The following AGTPBP1 variants were observed in gnomAD, a reference collection of about 807,000 sequenced individuals.
The protein encoded by AGTPBP1 is ATP/GTP binding carboxypeptidase 1.
In AGTPBP1, 70 loss-of-function variants were observed where a neutral mutation model predicts 143.9. That is an observed-to-expected ratio of 0.49 (90% CI 0.40 to 0.59). The LOEUF is 0.59. Among genes scored for constraint, AGTPBP1 ranks in the 20% least tolerant of loss-of-function variants. The probability of loss-of-function intolerance (pLI) is 0.00; values close to 1 mark genes in which losing one functional copy is unlikely to be tolerated. For synonymous variants in AGTPBP1, 463 were observed against 500.2 expected, an observed-to-expected ratio of 0.93 and a Z score of 0.99; for missense variants, 1,229 against 1,464.5, an observed-to-expected ratio of 0.84 and a Z score of 2.62.
At chr9:85,568,799 G>C (rs988486984) in intron 25 of AGTPBP1, among the ~76,000 whole-genome samples, 1 of 152,194 alleles carries the variant, frequency 6.6e-6, no homozygotes, top group African/African-American at 2.4e-5. Flanking sequence ...GGGTAAGCGA[G>C]AGGAAAATGC....
intron 25 of AGTPBP1, among the ~76,000 whole-genome samples, chr9:85,559,933 G>A (rs573875751): frequency 6.6e-6 from 1 of 152,134 alleles, no homozygotes; most frequent in East Asian, 1.9e-4. Flanking sequence ...TCTTGAGTGT[G>A]TACTTTTGTT....
chr9:85,565,162 T>C (rs1399572657), intron 25 of AGTPBP1, among the ~76,000 whole-genome samples: 1 of 152,228 alleles, frequency 6.6e-6, no homozygotes, highest in Non-Finnish European at 1.5e-5. Context: ...CATCTGTCAA[T>C]GAGTTACTAC....
intron 4 of AGTPBP1, among the ~76,000 whole-genome samples, chr9:85,680,874 A>T (rs56291325): frequency 6.6e-6 from 1 of 152,234 alleles, no homozygotes; most frequent in African/African-American, 2.4e-5. Flanking sequence ...TCACAAATGT[A>T]TATCAGCTAA....
chr9:85,746,657 G>C (rs1824587769), upstream of AGTPBP1, among the ~76,000 whole-genome samples: 1 of 151,840 alleles, frequency 6.6e-6, no homozygotes, highest in Non-Finnish European at 1.5e-5. Context: ...GGGGGAGAGA[G>C]AGAGAGAAGC....
chr9:85,735,091 C>T (rs1839155126), intron 1 of AGTPBP1, among the ~76,000 whole-genome samples: 1 of 151,986 alleles, frequency 6.6e-6, no homozygotes, highest in South Asian at 2.1e-4. Flanking sequence ...TGTTTACATA[C>T]CTAGATTCAA....
intron 25 of AGTPBP1, among the ~76,000 whole-genome samples, chr9:85,572,109 C>A (rs994193931): frequency 1.4e-5 from 2 of 138,300 alleles, no homozygotes; most frequent in Non-Finnish European, 3.1e-5. Flanking sequence ...TCACTGCAAC[C>A]TCCGCCTCTT....
intron 1 of AGTPBP1, among the ~76,000 whole-genome samples, chr9:85,738,803 A>G (rs905847845): frequency 2.6e-5 from 4 of 152,064 alleles, no homozygotes; most frequent in Admixed American, 2.6e-4. Flanking sequence ...TTAACCCCAA[A>G]GGAGCAAATG....
At chr9:85,699,452 C>T (rs951685705) in intron 2 of AGTPBP1, among the ~76,000 whole-genome samples, 7 of 152,070 alleles carry the variant, frequency 4.6e-5, no homozygotes, top group Non-Finnish European at 1.0e-4. Context: ...ACTGTCTTTG[C>T]AACAAATAAT....
intron 25 of AGTPBP1, among the ~76,000 whole-genome samples, chr9:85,563,977 C>T (rs1826911898): frequency 1.3e-5 from 2 of 152,202 alleles, no homozygotes; most frequent in Admixed American, 1.3e-4. Context: ...CTGCTGAGCC[C>T]CAGAATTCAC....
chr9:85,561,859 G>A (rs1826753374), intron 25 of AGTPBP1, among the ~76,000 whole-genome samples: 2 of 146,672 alleles, frequency 1.4e-5, no homozygotes, highest in Non-Finnish European at 3.0e-5. Context: ...TTGAGAAGGA[G>A]TCTTACTCTG....
intron 3 of AGTPBP1, among the ~76,000 whole-genome samples, chr9:85,686,163 A>AACT (rs920096505): frequency 6.6e-6 from 1 of 152,010 alleles, no homozygotes; most frequent in African/African-American, 2.4e-5. Flanking sequence ...CAGACTGTCA[A>AACT]ACTGGATGTT....
Position 85,547,196 on chromosome 9 carries a change from C to T in AGTPBP1, c.3594G>A (p.Glu1198=), listed in dbSNP as rs560864897. 6 of 1,613,784 alleles carry T rather than the reference C, an allele frequency of 3.7e-6. No individual in the cohort carries two copies. In the African/African-American group the frequency reaches 8.0e-5, roughly 22 times the overall value. The change falls in exon 26 of 26, where the codon GAG becomes GAA. Residue 1198 remains glutamate, a synonymous_variant. Coordinates refer to ENST00000357081, the MANE Select transcript of AGTPBP1 (RefSeq NM_001330701.2). ...CATAATCTCCTACATTTTCAGCCAACTCAATATCTAACTCATCATTACTTT... is the reference window on the plus strand; with the variant it reads ...CATAATCTCCTACATTTTCAGCCAATTCAATATCTAACTCATCATTACTTT... The part of the protein sequence containing the change: ...SAESNDELDI[E]LAENVGDYEP...
intron 11 of AGTPBP1, among the ~76,000 whole-genome samples, chr9:85,648,191 T>C (rs1300356499): frequency 1.3e-5 from 2 of 152,188 alleles, no homozygotes; most frequent in Non-Finnish European, 2.9e-5. Context: ...TATCTACTCA[T>C]AGTGTTTCTG....
the AGTPBP1 span, among the ~76,000 whole-genome samples, chr9:85,779,233 ATAGATATAGAT>A: frequency 2.0e-5 from 3 of 146,850 alleles, no homozygotes; most frequent in African/African-American, 7.6e-5. Flanking sequence ...AGATATAGAT[ATAGATATAGAT>A]ATCTATATAA....
chr9:85,765,579 CT>C, the AGTPBP1 span, among the ~76,000 whole-genome samples: 6 of 151,944 alleles, frequency 3.9e-5, no homozygotes, highest in African/African-American at 1.5e-4. Flanking sequence ...CAGACTTTGT[CT>C]TTTTTCAAAA....
At position 85,633,345 on chromosome 9, in the gene AGTPBP1, C is replaced by T. The variant is rs1389999701; in HGVS notation, c.1332G>A (p.Lys444=). 4 of 1,578,094 alleles carry T rather than the reference C, an allele frequency of 2.5e-6. No homozygotes were observed. The East Asian group carries it at 8.9e-5, about 35-fold the overall frequency. The change falls in exon 14 of 26, where the codon AAG becomes AAA. Residue 444 remains lysine (K), a synonymous_variant. Transcript: ENST00000357081. ...QDYDLISKEP[K]PFVFEGKVRG... Reference sequence around the variant, plus strand: ...GTACTTTTCCCTCAAATACAAAAGGCTTTGGTTCTTTGGAGATTAAATCAT... The same window carrying T: ...GTACTTTTCCCTCAAATACAAAAGGTTTTGGTTCTTTGGAGATTAAATCAT...
chr9:85,749,885 CTTT>C, the AGTPBP1 span, among the ~76,000 whole-genome samples: 6 of 143,078 alleles, frequency 4.2e-5, no homozygotes, highest in Non-Finnish European at 6.1e-5. Flanking sequence ...TCCTGTATCC[CTTT>C]TTTTTTTTTT....
chr9:85,705,690 GTT>G (rs1390882524), intron 2 of AGTPBP1, among the ~76,000 whole-genome samples: 1 of 151,792 alleles, frequency 6.6e-6, no homozygotes, highest in African/African-American at 2.4e-5. Context: ...GAAGTGGAAG[GTT>G]TTTTTGGGTT....
At chr9:85,770,489 A>C in the AGTPBP1 span, 75 of 1,534,546 alleles carry the variant, frequency 4.9e-5, no homozygotes, top group Non-Finnish European at 6.5e-5. Flanking sequence ...TATTTCAATA[A>C]GGTTTGTTTT....
Sources: gnomAD v4.1 joint callset for allele counts (sites outside exome capture counted in the v4.1 genomes callset) on GRCh38, gnomAD v4.1.1 for gene constraint, MANE v1.5 for transcripts, NCBI Gene and HGNC (gene_info 2026-07-23, HGNC 2026-07-21) for gene names.